The following DIP2B variants were observed in gnomAD, a reference collection of about 807,000 sequenced individuals.
The protein encoded by DIP2B is DIP2 acetate--CoA ligase B (putative).
A neutral mutation model predicts 198.0 loss-of-function variants in DIP2B; 76 were observed. The ratio of observed to expected loss-of-function variants is 0.38; its 90% CI spans 0.32 to 0.46. DIP2B has a LOEUF of 0.46. Ranked by LOEUF, DIP2B falls within the 20% of genes least tolerant of loss-of-function variation. DIP2B has a pLI of 0.99. For missense variants in DIP2B, 1,559 were observed against 1,978.4 expected (o/e 0.79, Z 4.02); for synonymous variants, 701 against 739.1 (o/e 0.95, Z 0.84).
intron 1 of DIP2B, among the ~76,000 whole-genome samples, chr12:50,538,819 GA>G (rs1239079907): frequency 6.6e-6 from 1 of 152,058 alleles, no homozygotes; most frequent in Non-Finnish European, 1.5e-5. Flanking sequence ...TGAATACTGG[GA>G]AAAGCAAACA....
intron 1 of DIP2B, among the ~76,000 whole-genome samples, chr12:50,552,270 C>CTTT (rs36028157): frequency 7.1e-6 from 1 of 139,986 alleles, no homozygotes; most frequent in Non-Finnish European, 1.6e-5. Context: ...TATAGGAGTT[C>CTTT]TTTTTTTTTT....
At chr12:50,631,179 C>T (rs942722102) in intron 2 of DIP2B, among the ~76,000 whole-genome samples, 7 of 151,986 alleles carry the variant, frequency 4.6e-5, no homozygotes, top group African/African-American at 1.2e-4. Context: ...GGCTGGAGTG[C>T]GGTGCTGTGA....
intron 7 of DIP2B, among the ~76,000 whole-genome samples, chr12:50,678,071 A>T (rs1043101183): frequency 6.7e-6 from 1 of 148,630 alleles, no homozygotes; most frequent in Admixed American, 6.8e-5. Context: ...GTTCACCAGG[A>T]GGCAAAGGGA....
At chr12:50,608,987 C>A (rs1959008509) in intron 1 of DIP2B, among the ~76,000 whole-genome samples, 2 of 152,048 alleles carry the variant, frequency 1.3e-5, no homozygotes, top group South Asian at 4.1e-4. Flanking sequence ...ACTAAAAATA[C>A]AAAAATTAGC....
At chr12:50,590,966 A>G (rs1958813966) in intron 1 of DIP2B, among the ~76,000 whole-genome samples, 1 of 152,174 alleles carries the variant, frequency 6.6e-6, no homozygotes, top group Non-Finnish European at 1.5e-5. Flanking sequence ...ATGGACCATG[A>G]GGGCTTCTCT....
intron 27 of DIP2B, among the ~76,000 whole-genome samples, chr12:50,723,616 T>C (rs543232703): frequency 5.3e-5 from 8 of 152,280 alleles, no homozygotes; most frequent in African/African-American, 1.9e-4. Context: ...CCAGGCATTG[T>C]GGCACTTGCC....
intron 27 of DIP2B, among the ~76,000 whole-genome samples, chr12:50,724,184 A>G (rs1261379770): frequency 6.6e-6 from 1 of 152,210 alleles, no homozygotes; most frequent in East Asian, 1.9e-4. Flanking sequence ...TGCCCTTGTT[A>G]TATTCTACAA....
intron 3 of DIP2B, among the ~76,000 whole-genome samples, chr12:50,654,391 G>T (rs1450062402): frequency 4.1e-5 from 6 of 144,844 alleles, no homozygotes; most frequent in African/African-American, 1.6e-4. Context: ...GTGTAACTCT[G>T]TTGCCCAGGC....
chr12:50,747,228 T>C lies in DIP2B; in HGVS notation c.*2389T>C, dbSNP rs1231869756. The C allele has an allele frequency of 1.3e-5, 2 of 152,222 alleles. No individual in the cohort carries two copies. The highest frequency in any genetic ancestry group is 2.9e-5 in the Non-Finnish European group (2 of 68,038). 9.4% of individuals were successfully genotyped at this position (152,222 alleles called of 1,614,324 possible). A position where few individuals can be genotyped will look rare whatever the true frequency, so the allele number is the denominator to read the frequency against. ...AGCCAAATGTGACTAGTGGCTACCA[T>C]ATTAGACAGTGCAGATCTATACTCA... is the stretch of plus-strand genomic sequence containing the variant. On this transcript the variant is annotated 3_prime_UTR_variant, in exon 38 of 38. Coordinates refer to ENST00000301180, the MANE Select transcript of DIP2B (RefSeq NM_173602.3).
At chr12:50,550,608 G>C (rs543491993) in intron 1 of DIP2B, among the ~76,000 whole-genome samples, 1 of 152,158 alleles carries the variant, frequency 6.6e-6, no homozygotes, top group Admixed American at 6.5e-5. Context: ...GAATAGGCCT[G>C]GTAGAACCAG....
intron 1 of DIP2B, among the ~76,000 whole-genome samples, chr12:50,578,732 T>C (rs1958687088): frequency 6.6e-6 from 1 of 151,396 alleles, no homozygotes; most frequent in Non-Finnish European, 1.5e-5. Context: ...ATGGTCTCGA[T>C]CTCCTGACCT....
chr12:50,742,126 A>G (rs1382055130), intron 37 of DIP2B, among the ~76,000 whole-genome samples: 1 of 152,126 alleles, frequency 6.6e-6, no homozygotes, highest in African/African-American at 2.4e-5. Context: ...GGCCGGCCAC[A>G]GTGGCTCACA....
At chr12:50,611,674 G>A (rs943544021) in intron 1 of DIP2B, among the ~76,000 whole-genome samples, 10 of 151,806 alleles carry the variant, frequency 6.6e-5, no homozygotes, top group Non-Finnish European at 1.2e-4. Context: ...CCTACCCCCA[G>A]TACTAGATCC....
intron 23 of DIP2B, among the ~76,000 whole-genome samples, chr12:50,716,958 C>CTTTTTTTTTGTTTTTTTTTTTTTTTTTTT (rs1939732467): frequency 1.7e-5 from 1 of 58,924 alleles, no homozygotes; most frequent in Non-Finnish European, 3.0e-5. Context: ...CGAATTGTTG[C>CTTTTTTTTTGTTTTTTTTTTTTTTTTTTT]TTTTTTTTTT....
intron 4 of DIP2B, among the ~76,000 whole-genome samples, chr12:50,663,872 T>TAAAAAAA (rs397934701): frequency 1.9e-5 from 2 of 104,844 alleles, no homozygotes; most frequent in Non-Finnish European, 3.7e-5. Flanking sequence ...CCCATCTCTT[T>TAAAAAAA]AAAAAAAAAA....
chr12:50,631,971 A>G (rs1938063764), intron 2 of DIP2B, among the ~76,000 whole-genome samples: 1 of 151,844 alleles, frequency 6.6e-6, no homozygotes, highest in Non-Finnish European at 1.5e-5. Context: ...TAAATTTTGA[A>G]GGAAGCCATT....
chr12:50,660,834 G>GTGTGTTTATGTGTGTTTA (rs1938632807), intron 4 of DIP2B, among the ~76,000 whole-genome samples: 1 of 152,132 alleles, frequency 6.6e-6, no homozygotes. Context: ...ACGTATATAA[G>GTGTGTTTATGTGTGTTTA]TGTGTTTATG....
At position 50,685,876 on chromosome 12, in the gene DIP2B, G is replaced by A; in HGVS notation, c.1361G>A (p.Gly454Asp). Reference sequence around the variant, plus strand: ...ATTGGCTTCTTGCTAGGAAGCTGTGGTATTGCCTTAGCTCTTACCAGTGAA... The same window carrying A: ...ATTGGCTTCTTGCTAGGAAGCTGTGATATTGCCTTAGCTCTTACCAGTGAA... ...QQIGFLLGSCGIALALTSEVC... is the reference protein window; with the variant it reads ...QQIGFLLGSCDIALALTSEVC... The change falls in exon 11 of 38, where the codon GGT (glycine) becomes GAT (aspartate). Residue 454 changes from glycine (G) to aspartate (D), a missense_variant. Transcript: ENST00000301180. 3.7e-6 allele frequency: 6 copies of A among 1,613,948 alleles called. No individual in the cohort carries two copies. The highest frequency in any genetic ancestry group is 5.1e-6 in the Non-Finnish European group (6 of 1,179,868).
chr12:50,714,686 T>G, intron 23 of DIP2B, 90 bp downstream of exon 23: 2 of 1,512,204 alleles, frequency 1.3e-6, no homozygotes, highest in Non-Finnish European at 1.8e-6. Context: ...ACAATTAGTT[T>G]ACAAAGACTT....
Sources: allele counts gnomAD v4.1 joint callset (sites outside exome capture counted in the v4.1 genomes callset), GRCh38; gene constraint gnomAD v4.1.1; transcripts MANE v1.5; gene names NCBI Gene and HGNC (gene_info 2026-07-23, HGNC 2026-07-21).